Variants in RERE observed in about 807,000 individuals in gnomAD.
RERE encodes the protein arginine-glutamic acid dipeptide repeats protein.
RERE carries 40 observed loss-of-function variants against 146.1 expected under a neutral mutation model. That is an observed-to-expected ratio of 0.27 (90% CI 0.21 to 0.36). The LOEUF (loss-of-function observed/expected upper bound fraction) is 0.36, where lower values mean the gene tolerates loss of function less well. RERE is among the 10% of genes least tolerant of loss of function. The pLI is 1.00. For missense variants in RERE, 1,933 were observed against 2,138.7 expected, an observed-to-expected ratio of 0.90 and a Z score of 1.90; for synonymous variants, 1,003 against 866.0, an observed-to-expected ratio of 1.16 and a Z score of -2.78.
chr1:8,506,946 C>G (rs1645257381), intron 8 of RERE, among the ~76,000 whole-genome samples: 1 of 152,176 alleles, frequency 6.6e-6, no homozygotes, highest in Admixed American at 6.5e-5. Context: ...TAGAATTAGT[C>G]AAACTGAGCT....
At chr1:8,640,673 C>T (rs1647164972) in intron 2 of RERE, among the ~76,000 whole-genome samples, 1 of 152,066 alleles carries the variant, frequency 6.6e-6, no homozygotes, top group Non-Finnish European at 1.5e-5. Context: ...ATATTTAATG[C>T]ATATATAATG....
chr1:8,658,273 C>T (rs1268747758), intron 1 of RERE, among the ~76,000 whole-genome samples: 2 of 152,152 alleles, frequency 1.3e-5, no homozygotes, highest in African/African-American at 4.8e-5. Flanking sequence ...GAGGAGAAAA[C>T]TCATGGTCCT....
At chr1:8,814,376 C>T (rs1193015392) in intron 1 of RERE, among the ~76,000 whole-genome samples, 1 of 152,226 alleles carries the variant, frequency 6.6e-6, no homozygotes, top group African/African-American at 2.4e-5. Flanking sequence ...TGAAACTGCA[C>T]CTTAGTTTAC....
At chr1:8,523,842 C>T (rs533227531) in intron 7 of RERE, among the ~76,000 whole-genome samples, 1 of 152,340 alleles carries the variant, frequency 6.6e-6, no homozygotes, top group Admixed American at 6.5e-5. Context: ...GTGGCAGGAA[C>T]CTGATCCAGA....
intron 11 of RERE, among the ~76,000 whole-genome samples, chr1:8,446,304 C>T (rs546306042): frequency 6.6e-6 from 1 of 152,142 alleles, no homozygotes; most frequent in Non-Finnish European, 1.5e-5. Flanking sequence ...TTTTTTCTTT[C>T]ATTTCAACCT....
rs1188150623 is a variant in RERE, at chr1:8,353,039, C to G, written c.*2048G>C. On this transcript the variant is annotated 3_prime_UTR_variant, in exon 23 of 23. Transcript: ENST00000400908. ...GGCCTGGATGCAGGAGTCTGGGAGC[C>G]CAGCAGGAAGAGGCCTCGCTCAGAG... is the stretch of plus-strand genomic sequence containing the variant. 6.6e-6 allele frequency: 1 copy of G among 152,412 alleles called. No homozygotes were observed. Among genetic ancestry groups the G allele is most frequent in the African/African-American group, 2.4e-5 (1 of 41,432 alleles). The allele number at this position is 152,412 out of a possible 1,614,324, so 9.4% of individuals were successfully genotyped here. A position where few individuals can be genotyped will look rare whatever the true frequency, so the allele number is the denominator to read the frequency against.
At chr1:8,617,434 T>C (rs1267936665) in intron 3 of RERE, among the ~76,000 whole-genome samples, 1 of 152,032 alleles carries the variant, frequency 6.6e-6, no homozygotes, top group East Asian at 1.9e-4. Flanking sequence ...AAAAGGCCAC[T>C]TGGTCCTTGG....
intron 12 of RERE, among the ~76,000 whole-genome samples, chr1:8,394,693 ACT>A (rs773067072): frequency 1.9e-4 from 29 of 152,286 alleles, no homozygotes; most frequent in Non-Finnish European, 3.5e-4. Flanking sequence ...CTGAGTCCCA[ACT>A]CTCAGCCAGA....
chr1:8,360,264 C>T lies in RERE; in HGVS notation c.3243G>A (p.Ala1081=), dbSNP rs748735395. 58 of 1,571,906 alleles carry T rather than the reference C, an allele frequency of 3.7e-5. No individual in the cohort carries two copies. The highest frequency in any genetic ancestry group is 1.8e-4 in the Admixed American group (10 of 55,266). ...TGGGGAGTGGGCAGGACGACCCCCC[C>T]GCTATGCTGCCTCCTGAAGCCGCCG... ...SGAAASGGSI[A]GGSSCPLPTV... The change falls in exon 18 of 23, where the codon GCG becomes GCA. Residue 1081 remains alanine (A), a synonymous_variant. Transcript: ENST00000400908.
intron 11 of RERE, among the ~76,000 whole-genome samples, chr1:8,436,536 GT>G (rs1644171968): frequency 6.6e-6 from 1 of 152,112 alleles, no homozygotes; most frequent in Admixed American, 6.5e-5. Flanking sequence ...AAAAAGAAAT[GT>G]GGATTGTCTA....
At chr1:8,612,607 T>C (rs1044207479) in intron 4 of RERE, among the ~76,000 whole-genome samples, 1 of 152,188 alleles carries the variant, frequency 6.6e-6, no homozygotes, top group Non-Finnish European at 1.5e-5. Context: ...AAAAAATTAA[T>C]GTTATTATGG....
intron 1 of RERE, among the ~76,000 whole-genome samples, chr1:8,801,274 T>C (rs1377983103): frequency 6.5e-5 from 1 of 15,490 alleles, no homozygotes. Context: ...AAAATTGTTC[T>C]TTTTTTTTTT....
chr1:8,724,825 T>A (rs1397452587), intron 1 of RERE, among the ~76,000 whole-genome samples: 3 of 112,326 alleles, frequency 2.7e-5, no homozygotes, highest in East Asian at 6.1e-4. Flanking sequence ...CTAGACTCCA[T>A]CTCAAAACAA....
rs1644730613 is a variant in RERE, at chr1:8,474,681, A to G, written c.1105-8658T>C. Among the ~76,000 whole-genome samples the G allele has an allele frequency of 1.3e-5, 2 of 152,254 alleles. 1 individual carries two copies. The highest frequency in any genetic ancestry group is 4.1e-4 in the South Asian group (2 of 4,836). On this transcript the variant is annotated intron_variant, in intron 10 of 22. Transcript: ENST00000400908. ...TGCTCTGACATCTCTGGTCTCACAC[A>G]TCAAAATATTGTTCTTCAATTGTAA...
chr1:8,567,838 G>C (rs1367151750), intron 4 of RERE, among the ~76,000 whole-genome samples: 4 of 152,144 alleles, frequency 2.6e-5, no homozygotes, highest in African/African-American at 9.7e-5. Context: ...CACACACACA[G>C]AGATAAACTG....
chr1:8,727,889 A>G (rs1371962471), intron 1 of RERE, among the ~76,000 whole-genome samples: 6 of 152,266 alleles, frequency 3.9e-5, no homozygotes, highest in Non-Finnish European at 8.8e-5. Flanking sequence ...AAAAAGTTTT[A>G]AATAGCTCAA....
At position 8,420,959 on chromosome 1, in the gene RERE, T is replaced by A. The variant is rs577241567; in HGVS notation, c.1284+1768A>T. 2.0e-5 allele frequency among the ~76,000 whole-genome samples: 3 copies of A among 152,172 alleles called. No individual in the cohort carries two copies. In the South Asian group the frequency reaches 6.2e-4, roughly 32 times the overall value. Reference sequence around the variant, plus strand: ...ATCAAGAGCAAAAAGAAAAACATAGTAGAAGAACTTAACTAGGTTAAAGGT... The same window carrying A: ...ATCAAGAGCAAAAAGAAAAACATAGAAGAAGAACTTAACTAGGTTAAAGGT... On this transcript the variant is annotated intron_variant, in intron 12 of 22. Coordinates refer to ENST00000400908, the MANE Select transcript of RERE (RefSeq NM_001042681.2).
At chr1:8,413,604 A>G (rs1435040173) in intron 12 of RERE, among the ~76,000 whole-genome samples, 1 of 152,048 alleles carries the variant, frequency 6.6e-6, no homozygotes, top group Non-Finnish European at 1.5e-5. Context: ...TCAACCTCCC[A>G]AAGTGCTGGG....
At chr1:8,379,499 G>A (rs758230138) in intron 12 of RERE, among the ~76,000 whole-genome samples, 1 of 152,144 alleles carries the variant, frequency 6.6e-6, no homozygotes, top group Non-Finnish European at 1.5e-5. Flanking sequence ...CCAGGGGTTC[G>A]GGTGTAATTT....
Sources: gnomAD v4.1 joint callset for allele counts (sites outside exome capture counted in the v4.1 genomes callset) on GRCh38, gnomAD v4.1.1 for gene constraint, MANE v1.5 for transcripts, NCBI Gene and HGNC (gene_info 2026-07-23, HGNC 2026-07-21) for gene names.